ACACA: variants seen among roughly 807,000 people sequenced by gnomAD.
ACACA encodes the protein acetyl-CoA carboxylase 1.
A neutral mutation model predicts 296.1 loss-of-function variants in ACACA; 103 were observed. The ratio of observed to expected loss-of-function variants is 0.35; its 90% CI spans 0.30 to 0.41. ACACA has a LOEUF of 0.41. Ranked by LOEUF, ACACA falls within the 10% of genes least tolerant of loss-of-function variation. ACACA has a pLI of 1.00. For synonymous variants in ACACA, 953 were observed against 1,038.6 expected, an observed-to-expected ratio of 0.92 and a Z score of 1.58; for missense variants, 1,554 against 2,989.7, an observed-to-expected ratio of 0.52 and a Z score of 11.20.
Position 37,274,091 on chromosome 17 carries a change from A to C in ACACA, c.1008+102T>G, listed in dbSNP as rs993704815. On this transcript the variant is annotated intron_variant, in intron 9 of 55. Transcript: ENST00000616317. ...TACACCTCCTGGTCTTACATCCCTA[A>C]CACCACCTTGGGTATATATCACGAG... 60 of 966,268 alleles carry C rather than the reference A, an allele frequency of 6.2e-5. No homozygotes were observed. In the African/African-American group the frequency reaches 7.6e-4, roughly 12 times the overall value. 59.9% of individuals were successfully genotyped at this position (966,268 alleles called of 1,614,324 possible).
chr17:37,331,900 TA>T (rs75014763), intron 2 of ACACA, among the ~76,000 whole-genome samples: 104 of 143,784 alleles, frequency 7.2e-4, no homozygotes, highest in Middle Eastern at 3.7e-3. Context: ...AATTTTTAAT[TA>T]AAAAAAAAAA....
rs1401733102 is a variant in ACACA, at chr17:37,111,652, G to T, written c.6453-9C>A. ...GCTCCAGAACAGATCCCCTGGATCA[G>T]AAAGAAAGAAAAAACAAAACAGAAA... On this transcript the variant is annotated splice_polypyrimidine_tract_variant and intron_variant, in intron 51 of 55. Transcript: ENST00000616317. 2 of 1,603,804 alleles carry T rather than the reference G, an allele frequency of 1.2e-6. No individual in the cohort carries two copies. The highest frequency in any genetic ancestry group is 1.7e-5 in the Admixed American group (1 of 60,006).
At chr17:37,129,254 T>G in intron 47 of ACACA, 111 bp downstream of exon 47, 1 of 1,461,026 alleles carries the variant, frequency 6.8e-7, no homozygotes, top group Admixed American at 1.7e-5. Context: ...TTCTAGGTAC[T>G]TACCTCTGTT....
At chr17:37,154,939 G>A (rs1164355435) in intron 43 of ACACA, among the ~76,000 whole-genome samples, 1 of 152,148 alleles carries the variant, frequency 6.6e-6, no homozygotes, top group Non-Finnish European at 1.5e-5. Flanking sequence ...GTTGGCAGGG[G>A]TGAAGAAAAA....
At chr17:37,381,588 C>T (rs1310459489) in intron 1 of ACACA, among the ~76,000 whole-genome samples, 1 of 150,518 alleles carries the variant, frequency 6.6e-6, no homozygotes, top group Non-Finnish European at 1.5e-5. Flanking sequence ...TTCTTTTTAA[C>T]AGTTTTACAT....
intron 22 of ACACA, among the ~76,000 whole-genome samples, chr17:37,242,519 T>A (rs923822321): frequency 1.3e-5 from 2 of 151,600 alleles, no homozygotes; most frequent in Admixed American, 6.6e-5. Context: ...CTTGAGCCCA[T>A]GAGTTCAATA....
Position 37,129,981 on chromosome 17 carries a change from C to T in ACACA, c.5823+94G>A, listed in dbSNP as rs563079737. 5.9e-5 allele frequency: 90 copies of T among 1,517,870 alleles called. No homozygotes were observed. In the African/African-American group the frequency reaches 1.1e-3, roughly 18 times the overall value. 94.0% of individuals were successfully genotyped at this position (1,517,870 alleles called of 1,614,324 possible). ...AATATTTTATAAAAAAATTCCTCCA[C>T]CATAAAGACAAGACCTTAAACACAG... is the stretch of plus-strand genomic sequence containing the variant. On this transcript the variant is annotated intron_variant, in intron 46 of 55. Coordinates refer to ENST00000616317, the MANE Select transcript of ACACA (RefSeq NM_198834.3).
chr17:37,244,134 G>A (rs370067282), intron 21 of ACACA, among the ~76,000 whole-genome samples: 3 of 151,840 alleles, frequency 2.0e-5, no homozygotes, highest in South Asian at 2.1e-4. Context: ...AGGCCGAGGC[G>A]GGCAGATCAC....
rs138324506 is a variant in ACACA, at chr17:37,160,728, C to G, written c.5349+1053G>C. 3.0e-3 allele frequency among the ~76,000 whole-genome samples: 462 copies of G among 152,052 alleles called. 3 individuals carry two copies. The South Asian group carries it at 0.033, about 11-fold the overall frequency. On this transcript the variant is annotated intron_variant, in intron 42 of 55. Coordinates refer to ENST00000616317, the MANE Select transcript of ACACA (RefSeq NM_198834.3). ...AAGTTGAGAGAGAAAGTTGAAGGTG[C>G]AGAAAAGATGGTGATTATAATGATT...
chr17:37,393,704 T>C (rs1480803444), intron 1 of ACACA, among the ~76,000 whole-genome samples: 1 of 151,886 alleles, frequency 6.6e-6, no homozygotes, highest in African/African-American at 2.4e-5. Flanking sequence ...TAGGCAGGCA[T>C]GCTGGTGCGC....
intron 2 of ACACA, among the ~76,000 whole-genome samples, chr17:37,336,401 T>TA (rs1258740396): frequency 6.6e-6 from 1 of 152,198 alleles, no homozygotes; most frequent in African/African-American, 2.4e-5. Context: ...TAAGAATCCC[T>TA]AAGACTAGCT....
chr17:37,284,960 A>G lies in ACACA; in HGVS notation c.349T>C (p.Ser117Pro). Residue 117 changes from serine (S) to proline (P), a missense_variant, in exon 4 of 56, where the codon TCT becomes CCT. Ser to Pro is a moderately conservative substitution (Grantham distance 74). This residue lies in a region of ACACA where 140 missense variants were observed against 147.7 expected (regional missense o/e 0.95). Transcript: ENST00000616317. ...CCCTGCTTTACTAGGTGCAAGCCAG[A>G]CATGCTGGACCTATAAAAATACAGA... ...GLALHIRSSM[S>P]GLHLVKQGRD... 6.2e-7 allele frequency: 1 copy of G among 1,614,164 alleles called. No homozygotes were observed. Among genetic ancestry groups the G allele is most frequent in the Non-Finnish European group, 8.5e-7 (1 of 1,180,022 alleles).
intron 25 of ACACA, among the ~76,000 whole-genome samples, chr17:37,229,657 A>AC (rs2145778706): frequency 6.6e-6 from 1 of 152,262 alleles, no homozygotes; most frequent in African/African-American, 2.4e-5. Flanking sequence ...ACGTAAAAGC[A>AC]CTTTTTTTTA....
intron 52 of ACACA, among the ~76,000 whole-genome samples, chr17:37,100,839 G>A (rs2073319669): frequency 6.6e-6 from 1 of 152,180 alleles, no homozygotes; most frequent in Non-Finnish European, 1.5e-5. Context: ...GCTCACACCT[G>A]TAATCCCAGC....
chr17:37,389,278 A>G (rs749540176), intron 1 of ACACA: 2 of 1,596,664 alleles, frequency 1.3e-6, no homozygotes, highest in Non-Finnish European at 1.7e-6. Flanking sequence ...AGCTGTGCCA[A>G]TGCCAGTGGT....
chr17:37,291,815 G>C (rs2083082617), intron 3 of ACACA, among the ~76,000 whole-genome samples: 1 of 152,068 alleles, frequency 6.6e-6, no homozygotes, highest in African/African-American at 2.4e-5. Context: ...ACTAATCTGA[G>C]ATGACATATA....
chr17:37,263,948 A>G (rs1178717039), intron 10 of ACACA, 54 bp from the exon 11 acceptor site: 2 of 1,449,036 alleles, frequency 1.4e-6, no homozygotes, highest in Non-Finnish European at 1.9e-6. Context: ...TAAACTTTTT[A>G]TCTATCTTGA....
chr17:37,114,507 G>C (rs1053429305), intron 50 of ACACA, among the ~76,000 whole-genome samples: 1 of 149,490 alleles, frequency 6.7e-6, no homozygotes, highest in Non-Finnish European at 1.5e-5. Context: ...CTCCAGTGTG[G>C]GTAACACAGC....
intron 41 of ACACA, among the ~76,000 whole-genome samples, chr17:37,178,407 C>A (rs2077197794): frequency 6.6e-6 from 1 of 152,148 alleles, no homozygotes; most frequent in African/African-American, 2.4e-5. Context: ...CACAACAGCA[C>A]CAGATCAAAT....
Sources: gnomAD v4.1 joint callset for allele counts (sites outside exome capture counted in the v4.1 genomes callset) on GRCh38, gnomAD v4.1.1 for gene constraint, gnomAD v4.1.1 regional missense constraint, MANE v1.5 for transcripts, NCBI Gene and HGNC (gene_info 2026-07-23, HGNC 2026-07-21) for gene names.